The following VTI1A variants were observed in gnomAD, a reference collection of about 807,000 sequenced individuals.
VTI1A encodes the protein vesicle transport through interaction with t-SNAREs homolog 1A.
In VTI1A, 22 loss-of-function variants were observed where a neutral mutation model predicts 34.9. The ratio of observed to expected loss-of-function variants is 0.63; its 90% CI spans 0.45 to 0.90. The LOEUF (loss-of-function observed/expected upper bound fraction) is 0.90. VTI1A is among the 40% of genes least tolerant of loss of function. The pLI is 0.00. For synonymous variants in VTI1A, 87 were observed against 97.3 expected, an observed-to-expected ratio of 0.89 and a Z score of 0.62; for missense variants, 268 against 275.6, an observed-to-expected ratio of 0.97 and a Z score of 0.20.
chr10:112,547,782 A>AT (rs1431668671), intron 5 of VTI1A, among the ~76,000 whole-genome samples: 2 of 152,122 alleles, frequency 1.3e-5, no homozygotes, highest in Non-Finnish European at 2.9e-5. Context: ...AAAATAAATT[A>AT]TTTTTAGATT....
At chr10:112,478,177 A>G (rs1441576994) in intron 3 of VTI1A, among the ~76,000 whole-genome samples, 2 of 152,186 alleles carry the variant, frequency 1.3e-5, no homozygotes, top group Non-Finnish European at 2.9e-5. Context: ...CTTTTCTAAT[A>G]TTGTGTGCAA....
intron 3 of VTI1A, among the ~76,000 whole-genome samples, chr10:112,512,565 TCTATTTTTGGTTTATTAC>T (rs1412894672): frequency 6.6e-6 from 1 of 152,188 alleles, no homozygotes; most frequent in Non-Finnish European, 1.5e-5. Flanking sequence ...GTCCCATTTG[TCTATTTTTGGTTTATTAC>T]CTATGCTTTT....
intron 3 of VTI1A, among the ~76,000 whole-genome samples, chr10:112,486,164 A>G (rs1163868608): frequency 1.3e-5 from 2 of 152,170 alleles, no homozygotes; most frequent in African/African-American, 4.8e-5. Flanking sequence ...GCCATGTAGC[A>G]CTGCAGAAAA....
intron 3 of VTI1A, among the ~76,000 whole-genome samples, chr10:112,503,373 G>A (rs953763211): frequency 1.3e-5 from 2 of 151,960 alleles, no homozygotes; most frequent in Non-Finnish European, 2.9e-5. Context: ...ATTTGCCTTC[G>A]TGTGCTTGAC....
intron 5 of VTI1A, among the ~76,000 whole-genome samples, chr10:112,619,257 G>C (rs1845639574): frequency 6.6e-6 from 1 of 152,134 alleles, no homozygotes. Context: ...AGAAACAGTG[G>C]AAAGGGGGCT....
intron 3 of VTI1A, among the ~76,000 whole-genome samples, chr10:112,499,463 T>C (rs1299359733): frequency 6.6e-6 from 1 of 152,220 alleles, no homozygotes; most frequent in African/African-American, 2.4e-5. Flanking sequence ...TGGTTAATTT[T>C]ATGTATGCCC....
At chr10:112,555,651 A>G (rs1232858794) in intron 5 of VTI1A, among the ~76,000 whole-genome samples, 2 of 152,064 alleles carry the variant, frequency 1.3e-5, no homozygotes, top group Non-Finnish European at 2.9e-5. Flanking sequence ...TTTTTAGATC[A>G]ATAAAGAGCT....
chr10:112,678,879 G>C (rs2133855374), intron 7 of VTI1A, among the ~76,000 whole-genome samples: 1 of 152,292 alleles, frequency 6.6e-6, no homozygotes, highest in African/African-American at 2.4e-5. Flanking sequence ...ACAAACGCAG[G>C]AGGACAAAAG....
chr10:112,814,519 A>G (rs1853438581), intron 7 of VTI1A, among the ~76,000 whole-genome samples: 1 of 152,172 alleles, frequency 6.6e-6, no homozygotes, highest in Non-Finnish European at 1.5e-5. Flanking sequence ...CTCTGCAGGC[A>G]TCTGGGAGCG....
chr10:112,605,489 G>A (rs1284732488), intron 5 of VTI1A, among the ~76,000 whole-genome samples: 1 of 152,150 alleles, frequency 6.6e-6, no homozygotes, highest in Non-Finnish European at 1.5e-5. Flanking sequence ...AGCGTGTGCT[G>A]CTTTCAATTC....
At chr10:112,484,447 C>T (rs112475254) in intron 3 of VTI1A, among the ~76,000 whole-genome samples, 1,853 of 152,260 alleles carry the variant, frequency 0.012, 37 homozygotes, top group African/African-American at 0.039. Context: ...TCCATGTCTA[C>T]GATTTCATAA....
At chr10:112,511,150 A>G (rs1283668034) in intron 3 of VTI1A, among the ~76,000 whole-genome samples, 1 of 152,088 alleles carries the variant, frequency 6.6e-6, no homozygotes, top group Non-Finnish European at 1.5e-5. Flanking sequence ...AAAGAAGAAC[A>G]TACACTCTCT....
At chr10:112,621,605 C>T (rs911428922) in intron 5 of VTI1A, among the ~76,000 whole-genome samples, 1 of 152,168 alleles carries the variant, frequency 6.6e-6, no homozygotes, top group Non-Finnish European at 1.5e-5. Context: ...GGAACCATTC[C>T]ACCACACTGT....
chr10:112,640,015 G>C (rs1846507602), intron 5 of VTI1A, among the ~76,000 whole-genome samples: 1 of 152,144 alleles, frequency 6.6e-6, no homozygotes, highest in Admixed American at 6.5e-5. Context: ...TCCACCTTCT[G>C]TTGGGGACTT....
chr10:112,474,258 G>T (rs1848202525), intron 3 of VTI1A, among the ~76,000 whole-genome samples: 1 of 151,996 alleles, frequency 6.6e-6, no homozygotes, highest in South Asian at 2.1e-4. Flanking sequence ...GTAGAGACGA[G>T]GTTTCACTGT....
intron 5 of VTI1A, among the ~76,000 whole-genome samples, chr10:112,600,265 CT>C (rs888974571): frequency 2.6e-4 from 39 of 152,278 alleles, no homozygotes; most frequent in African/African-American, 8.9e-4. Context: ...CATTTTTATC[CT>C]TATTAGCAGC....
intron 3 of VTI1A, among the ~76,000 whole-genome samples, chr10:112,515,840 A>C (rs1414372304): frequency 6.6e-6 from 1 of 152,094 alleles, no homozygotes; most frequent in Non-Finnish European, 1.5e-5. Flanking sequence ...CAGAAAAACT[A>C]TACAGAATTA....
At chr10:112,616,476 T>C (rs1280477122) in intron 5 of VTI1A, among the ~76,000 whole-genome samples, 2 of 152,104 alleles carry the variant, frequency 1.3e-5, no homozygotes, top group East Asian at 3.9e-4. Flanking sequence ...AAAGCATCCC[T>C]AAATTAGGCT....
At chr10:112,778,245 T>G (rs2134033058) in intron 7 of VTI1A, among the ~76,000 whole-genome samples, 1 of 152,354 alleles carries the variant, frequency 6.6e-6, no homozygotes, top group African/African-American at 2.4e-5. Context: ...CATTTTTAAC[T>G]TAATACCAAA....
Sources: gnomAD v4.1 joint callset for allele counts (sites outside exome capture counted in the v4.1 genomes callset) on GRCh38, gnomAD v4.1.1 for gene constraint, MANE v1.5 for transcripts, NCBI Gene and HGNC (gene_info 2026-07-23, HGNC 2026-07-21) for gene names.